Variants in ANGPT2 observed in about 807,000 individuals in gnomAD.
The protein encoded by ANGPT2 is angiopoietin-2.
In ANGPT2, 28 loss-of-function variants were observed where a neutral mutation model predicts 62.9. That is an observed-to-expected ratio of 0.44 (90% CI 0.33 to 0.61). The LOEUF is 0.61. Ranked by LOEUF, ANGPT2 falls within the 20% of genes least tolerant of loss-of-function variation. The probability of loss-of-function intolerance (pLI) is 0.03; values close to 1 mark genes in which losing one functional copy is unlikely to be tolerated. For missense variants in ANGPT2, 727 were observed against 594.9 expected (o/e 1.22, Z -2.31); for synonymous variants, 284 against 207.8 (o/e 1.37, Z -3.15).
intron 8 of ANGPT2, chr8:6,507,908 T>C (rs1814108387): frequency 6.6e-6 from 1 of 152,188 alleles, no homozygotes; most frequent in African/African-American, 2.4e-5. Context: ...TCTAAAACTT[T>C]ATTCCTATGT....
chr8:6,545,448 A>C (rs963869615), intron 1 of ANGPT2, among the ~76,000 whole-genome samples: 6 of 152,154 alleles, frequency 3.9e-5, no homozygotes, highest in African/African-American at 1.4e-4. Flanking sequence ...GGGTGGTTTT[A>C]TTTGTCTCTG....
chr8:6,501,037 C>G lies in ANGPT2; in HGVS notation c.*2064G>C, dbSNP rs1812073454. ...TTTCTTATTTTCAGTTGTTTTTCAA[C>G]TTGATACAAGGCCATGATACCGTTG... On this transcript the variant is annotated 3_prime_UTR_variant, in exon 9 of 9. Coordinates refer to ENST00000629816, the MANE Select transcript of ANGPT2 (RefSeq NM_001118887.2). The G allele has an allele frequency of 6.6e-6, 1 of 152,202 alleles. No individual in the cohort carries two copies. Among genetic ancestry groups the G allele is most frequent in the Non-Finnish European group, 1.5e-5 (1 of 68,050 alleles). The allele number at this position is 152,202 out of a possible 1,614,324, so 9.4% of individuals were successfully genotyped here.
In ANGPT2 at chr8:6,500,227, T is replaced by G. The variant is rs986019890; in HGVS notation, c.*2874A>C. 1 of 388,570 alleles carries G rather than the reference T, an allele frequency of 2.6e-6. No homozygotes were observed. Among genetic ancestry groups the G allele is most frequent in the Non-Finnish European group, 4.8e-6 (1 of 206,698 alleles). The allele number at this position is 388,570 out of a possible 1,614,324, so 24.1% of individuals were successfully genotyped here. On this transcript the variant is annotated 3_prime_UTR_variant, in exon 9 of 9. Transcript: ENST00000629816. ...AGACTGAATTCTTGGGCAGGTAGTC[T>G]TATATCTTGCTTAATGTTTTTACTG...
intron 5 of ANGPT2, among the ~76,000 whole-genome samples, chr8:6,516,094 C>A (rs1178448206): frequency 1.3e-5 from 2 of 152,162 alleles, no homozygotes; most frequent in Non-Finnish European, 2.9e-5. Flanking sequence ...CAGTGGCACT[C>A]ATGTTTGGAA....
At chr8:6,552,221 A>G (rs1823767223) in intron 1 of ANGPT2, among the ~76,000 whole-genome samples, 1 of 152,224 alleles carries the variant, frequency 6.6e-6, no homozygotes, top group Admixed American at 6.5e-5. Context: ...TTCTTCTGCC[A>G]TAGAAACAAC....
intron 1 of ANGPT2, among the ~76,000 whole-genome samples, chr8:6,543,120 A>G (rs1416619070): frequency 1.3e-5 from 2 of 151,618 alleles, no homozygotes; most frequent in African/African-American, 4.9e-5. Flanking sequence ...CCCAGCCAAG[A>G]CTTTCTGCTT....
chr8:6,527,649 G>C lies in ANGPT2; in HGVS notation c.472C>G (p.Leu158Val). The C allele has an allele frequency of 6.2e-7, 1 of 1,613,868 alleles. No individual in the cohort carries two copies. The highest frequency in any genetic ancestry group is 2.2e-5 in the East Asian group (1 of 44,868). Residue 158 changes from leucine (L) to valine (V), a missense_variant, in exon 3 of 9, where the codon CTT becomes GTT. Leu to Val is a conservative substitution (Grantham distance 32). Transcript: ENST00000629816. ...QVLNQTTRLE[L>V]QLLEHSLSTN... Reference sequence around the variant, plus strand: ...GAGAGGGAGTGTTCCAAGAGCTGAAGTTCAAGTCTCGTGGTCTGATTTAAT... The same window carrying C: ...GAGAGGGAGTGTTCCAAGAGCTGAACTTCAAGTCTCGTGGTCTGATTTAAT...
chr8:6,528,019 C>T (rs1818707578), intron 2 of ANGPT2, among the ~76,000 whole-genome samples: 1 of 151,992 alleles, frequency 6.6e-6, no homozygotes, highest in Admixed American at 6.6e-5. Flanking sequence ...CCTCATTCTC[C>T]CCAGTAGCTG....
Position 6,499,930 on chromosome 8 carries a change from G to T in ANGPT2, c.*3171C>A. On this transcript the variant is annotated 3_prime_UTR_variant, in exon 9 of 9. Coordinates refer to ENST00000629816, the MANE Select transcript of ANGPT2 (RefSeq NM_001118887.2). ...GTCTCACCACTTCCCTGCAGCTCCC[G>T]TAAGTCAGATGTTGTTTTACGATGG... 5 of 1,612,942 alleles carry T rather than the reference G, an allele frequency of 3.1e-6. 1 individual carries two copies. The South Asian group carries it at 3.3e-5, about 11-fold the overall frequency.
At chr8:6,533,309 A>G (rs549703353) in intron 1 of ANGPT2, among the ~76,000 whole-genome samples, 7 of 152,366 alleles carry the variant, frequency 4.6e-5, no homozygotes, top group Admixed American at 2.0e-4. Context: ...ATCCCTGTCT[A>G]TGGCAGTAAA....
At chr8:6,562,574 T>TTTTTAAAACA in intron 1 of ANGPT2, 73 bp downstream of exon 1, 1 of 583,796 alleles carries the variant, frequency 1.7e-6, no homozygotes, top group Non-Finnish European at 2.6e-6. Context: ...TTTTTTTTGG[T>TTTTTAAAACA]TGTTAAAACC....
At chr8:6,518,259 A>C (rs571677865) in intron 5 of ANGPT2, among the ~76,000 whole-genome samples, 1 of 152,324 alleles carries the variant, frequency 6.6e-6, no homozygotes, top group South Asian at 2.1e-4. Context: ...TCCCCAGGCC[A>C]AGAACACGCC....
chr8:6,513,978 G>A (rs996308251), intron 6 of ANGPT2, 134 bp from the exon 7 acceptor site: 2 of 845,826 alleles, frequency 2.4e-6, no homozygotes, highest in African/African-American at 1.7e-5. Context: ...GACAATTTAG[G>A]GTCCTTCCCA....
chr8:6,545,853 T>A (rs1822489124), intron 1 of ANGPT2, among the ~76,000 whole-genome samples: 1 of 152,266 alleles, frequency 6.6e-6, no homozygotes, highest in African/African-American at 2.4e-5. Flanking sequence ...TGAAATCGAT[T>A]GAATTTAGTT....
In ANGPT2 at chr8:6,499,956, T is replaced by G. The variant is rs750730300; in HGVS notation, c.*3145A>C. On this transcript the variant is annotated 3_prime_UTR_variant, in exon 9 of 9. Coordinates refer to ENST00000629816, the MANE Select transcript of ANGPT2 (RefSeq NM_001118887.2). The stretch of plus-strand genomic sequence containing the variant: ...TAAGTCAGATGTTGTTTTACGATGG[T>G]AAATGCAGTTTGCTGTTCTCAAGAA... The G allele has an allele frequency of 6.3e-7, 1 of 1,584,922 alleles. No individual in the cohort carries two copies. Among genetic ancestry groups the G allele is most frequent in the Non-Finnish European group, 8.7e-7 (1 of 1,153,758 alleles).
At chr8:6,511,167 G>A (rs150353586) in intron 7 of ANGPT2, among the ~76,000 whole-genome samples, 3 of 152,140 alleles carry the variant, frequency 2.0e-5, no homozygotes, top group African/African-American at 7.2e-5. Context: ...ATGAGTCTCT[G>A]TTAGAAAGGT....
chr8:6,510,222 A>G (rs1814757584), intron 7 of ANGPT2, among the ~76,000 whole-genome samples: 1 of 151,360 alleles, frequency 6.6e-6, no homozygotes, highest in South Asian at 2.1e-4. Context: ...GCTTCTTGGC[A>G]GATGGTTCAG....
At chr8:6,505,396 T>TTCTTTATATACATAA (rs1813299024) in intron 8 of ANGPT2, among the ~76,000 whole-genome samples, 6 of 55,796 alleles carry the variant, frequency 1.1e-4, no homozygotes, top group African/African-American at 3.1e-4. Flanking sequence ...TATATGTATA[T>TTCTTTATATACATAA]AGAATATATA....
chr8:6,527,653 A>G lies in ANGPT2; in HGVS notation c.468T>C (p.Leu156=). The G allele has an allele frequency of 6.2e-7, 1 of 1,613,874 alleles. No homozygotes were observed. The highest frequency in any genetic ancestry group is 8.5e-7 in the Non-Finnish European group (1 of 1,179,834). ...GGGAGTGTTCCAAGAGCTGAAGTTC[A>G]AGTCTCGTGGTCTGATTTAATACCT... ...EAQVLNQTTR[L]ELQLLEHSLS... Residue 156 remains leucine, a synonymous_variant, in exon 3 of 9, where the codon CTT becomes CTC. Transcript: ENST00000629816.
Sources: allele counts gnomAD v4.1 joint callset (sites outside exome capture counted in the v4.1 genomes callset), GRCh38; gene constraint gnomAD v4.1.1; transcripts MANE v1.5; gene names NCBI Gene and HGNC (gene_info 2026-07-23, HGNC 2026-07-21).